NLRC5: variants seen among roughly 807,000 people sequenced by gnomAD.
The protein encoded by NLRC5 is protein NLRC5.
In NLRC5, 114 loss-of-function variants were observed where a neutral mutation model predicts 206.9. That is an observed-to-expected ratio of 0.55 (90% CI 0.47 to 0.64). The LOEUF (loss-of-function observed/expected upper bound fraction) is 0.64, where lower values mean the gene tolerates loss of function less well. Ranked by LOEUF, NLRC5 falls within the 30% of genes least tolerant of loss-of-function variation. The pLI, the probability that NLRC5 is intolerant of heterozygous loss-of-function variation, is 0.00. For missense variants in NLRC5, 2,008 were observed against 2,305.5 expected (o/e 0.87, Z 2.64); for synonymous variants, 952 against 962.8 (o/e 0.99, Z 0.21).
At chr16:57,011,550 A>G (rs561653530) in intron 1 of NLRC5, among the ~76,000 whole-genome samples, 1 of 152,070 alleles carries the variant, frequency 6.6e-6, no homozygotes, top group South Asian at 2.1e-4. Context: ...CAGGGAAACT[A>G]TGTCTCTACA....
At chr16:57,039,169 C>T (rs1045183109) in intron 15 of NLRC5, among the ~76,000 whole-genome samples, 1 of 152,198 alleles carries the variant, frequency 6.6e-6, no homozygotes, top group South Asian at 2.1e-4. Flanking sequence ...TCCACACATA[C>T]TTTGAGCACA....
At chr16:57,081,812 C>G (rs2069184633) in intron 48 of NLRC5, among the ~76,000 whole-genome samples, 1 of 152,192 alleles carries the variant, frequency 6.6e-6, no homozygotes, top group East Asian at 1.9e-4. Context: ...AACTTTGTAG[C>G]CATAACTCAA....
intron 48 of NLRC5, among the ~76,000 whole-genome samples, chr16:57,082,084 T>C (rs1439429265): frequency 2.6e-5 from 4 of 152,268 alleles, no homozygotes; most frequent in African/African-American, 9.6e-5. Context: ...AGTACCTTGT[T>C]CTACCAAAAT....
At chr16:57,069,137 G>T (rs934242738) in intron 36 of NLRC5, among the ~76,000 whole-genome samples, 2 of 152,226 alleles carry the variant, frequency 1.3e-5, no homozygotes, top group East Asian at 3.8e-4. Context: ...CATAGATTAT[G>T]TGGGGAGATA....
chr16:57,050,033 G>A (rs1238328230), intron 23 of NLRC5, among the ~76,000 whole-genome samples: 27 of 151,824 alleles, frequency 1.8e-4, no homozygotes, highest in African/African-American at 6.0e-4. Context: ...TTCAAGCACT[G>A]CAGGTCTACT....
chr16:57,058,154 T>G lies in NLRC5; in HGVS notation c.3830+6T>G. On this transcript the variant is annotated splice_donor_region_variant and intron_variant, in intron 28 of 48. Transcript: ENST00000688547. The stretch of plus-strand genomic sequence containing the variant: ...CCCATCTCCGGTTTGCTTGAGTAAG[T>G]GGAAAGCAGCATAAAGGACAGATAG... The G allele has an allele frequency of 6.2e-7, 1 of 1,603,574 alleles. No homozygotes were observed. Among genetic ancestry groups the G allele is most frequent in the Non-Finnish European group, 8.5e-7 (1 of 1,173,438 alleles).
At chr16:57,001,304 C>G (rs1461135450) in intron 1 of NLRC5, among the ~76,000 whole-genome samples, 1 of 152,220 alleles carries the variant, frequency 6.6e-6, no homozygotes, top group Non-Finnish European at 1.5e-5. Flanking sequence ...GGGTGCCTGG[C>G]TATCACCCCA....
intron 43 of NLRC5, 62 bp downstream of exon 43, chr16:57,078,082 G>GT (rs1251963025): frequency 3.9e-6 from 5 of 1,283,068 alleles, no homozygotes; most frequent in African/African-American, 6.2e-5. Flanking sequence ...CGGGAGCAGT[G>GT]GGGGGGTCCA....
chr16:57,079,418 C>T, intron 45 of NLRC5, 126 bp downstream of exon 45: 1 of 1,379,014 alleles, frequency 7.3e-7, no homozygotes. Flanking sequence ...GGGGGCCTGG[C>T]TCAAGAAAGG....
chr16:57,047,389 G>C (rs1332014710), intron 22 of NLRC5, among the ~76,000 whole-genome samples, 156 bp from the exon 23 acceptor site: 1 of 152,060 alleles, frequency 6.6e-6, no homozygotes, highest in East Asian at 1.9e-4. Flanking sequence ...GGGGCTGCAG[G>C]GGAGACTCGA....
Position 57,066,543 on chromosome 16 carries a change from G to A in NLRC5, c.4251G>A (p.Glu1417=). The part of the protein sequence containing the change: ...SGSVTEISIS[E]TQQQLCVQLE... Reference sequence around the variant, plus strand: ...ACTGCTCACTCCTCAGCATCTCCGAGACCCAGCAGCAGCTCTGTGTCCAGC... The same window carrying A: ...ACTGCTCACTCCTCAGCATCTCCGAAACCCAGCAGCAGCTCTGTGTCCAGC... The change falls in exon 34 of 49, where the codon GAG becomes GAA. Residue 1417 remains glutamate (E), a synonymous_variant. Transcript: ENST00000688547. The A allele has an allele frequency of 1.2e-6, 2 of 1,614,004 alleles. No homozygotes were observed. Among genetic ancestry groups the A allele is most frequent in the Non-Finnish European group, 1.7e-6 (2 of 1,179,994 alleles).
intron 3 of NLRC5, among the ~76,000 whole-genome samples, chr16:57,021,505 G>A (rs1355602853): frequency 6.6e-6 from 1 of 152,130 alleles, no homozygotes; most frequent in Non-Finnish European, 1.5e-5. Context: ...GACTACAGTA[G>A]AACTATAGGT....
At chr16:56,999,657 C>T (rs1446910136) in intron 1 of NLRC5, among the ~76,000 whole-genome samples, 1 of 152,246 alleles carries the variant, frequency 6.6e-6, no homozygotes, top group Admixed American at 6.5e-5. Flanking sequence ...GAAACAGCTC[C>T]CAGTCTGAGG....
rs981286625 is a variant in NLRC5 at position 57,082,391 on chromosome 16, T to C, written c.5490-26T>C. The C allele has an allele frequency of 3.3e-6, 5 of 1,533,302 alleles. No individual in the cohort carries two copies. The African/African-American group carries it at 4.1e-5, about 13-fold the overall frequency. 95.0% of individuals were successfully genotyped at this position (1,533,302 alleles called of 1,614,324 possible). On this transcript the variant is annotated intron_variant, in intron 48 of 48. Transcript: ENST00000688547. The stretch of plus-strand genomic sequence containing the variant: ...CAGATGGCAAAGATGGGAGGATGAA[T>C]GAGTGCCTATATCTGTGCCCCACAG...
intron 43 of NLRC5, 44 bp from the exon 44 acceptor site, chr16:57,079,006 A>G (rs2068787202): frequency 6.4e-7 from 1 of 1,561,788 alleles, no homozygotes; most frequent in African/African-American, 1.4e-5. Context: ...GGCTCTGGAA[A>G]CGCCAGTCCC....
At chr16:56,990,753 C>T (rs1202959811) in intron 1 of NLRC5, 7 of 152,176 alleles carry the variant, frequency 4.6e-5, no homozygotes, top group African/African-American at 1.7e-4. Context: ...CTTCAAATCA[C>T]CTTCCGTTTC....
At chr16:56,991,587 C>T (rs1348088388) in intron 1 of NLRC5, among the ~76,000 whole-genome samples, 3 of 150,956 alleles carry the variant, frequency 2.0e-5, no homozygotes, top group Admixed American at 1.3e-4. Context: ...TCACTATGTT[C>T]GCCAGGCTGG....
chr16:57,020,235 C>T (rs1033334713), intron 2 of NLRC5, among the ~76,000 whole-genome samples: 2 of 151,334 alleles, frequency 1.3e-5, no homozygotes, highest in African/African-American at 4.9e-5. Flanking sequence ...GGTCACCTGC[C>T]CCACAACTCA....
chr16:57,040,652 C>A lies in NLRC5; in HGVS notation c.2873C>A (p.Ala958Asp). The stretch of plus-strand genomic sequence containing the variant: ...TGGCCTTGGTGATGTCCCTCCAGGG[C>A]TGCATTTCTTGACAGCCTCATGCTC... ...PEEQKGPQERAAFLDSLMLQM... is the reference protein window; with the variant it reads ...PEEQKGPQERDAFLDSLMLQM... Residue 958 changes from alanine to aspartate, a missense_variant and splice_region_variant, in exon 17 of 49, where the codon GCT becomes GAT. Coordinates refer to ENST00000688547, the MANE Select transcript of NLRC5 (RefSeq NM_001384950.1). The A allele has an allele frequency of 6.2e-7, 1 of 1,614,138 alleles. No individual in the cohort carries two copies.
Sources: allele counts gnomAD v4.1 joint callset (sites outside exome capture counted in the v4.1 genomes callset), GRCh38; gene constraint gnomAD v4.1.1; transcripts MANE v1.5; gene names NCBI Gene and HGNC (gene_info 2026-07-23, HGNC 2026-07-21).